The following FAM107B variants were observed in gnomAD, a reference collection of about 807,000 sequenced individuals.
The protein encoded by FAM107B is family with sequence similarity 107 member B, also known as protein FAM107B.
In FAM107B, 21 loss-of-function variants were observed where a neutral mutation model predicts 31.5. That is an observed-to-expected ratio of 0.67 (90% confidence interval 0.47 to 0.96). The LOEUF is 0.96. Among genes scored for constraint, FAM107B ranks in the 40% least tolerant of loss-of-function variants. The pLI, the probability that FAM107B is intolerant of heterozygous loss-of-function variation, is 0.00. For missense variants in FAM107B, 452 were observed against 377.1 expected (o/e 1.20, Z -1.64); for synonymous variants, 157 against 141.5 (o/e 1.11, Z -0.78).
At chr10:14,734,490 T>TTTTTGTTTTTTTTTG (rs1856251081) in intron 1 of FAM107B, among the ~76,000 whole-genome samples, 3 of 122,642 alleles carry the variant, frequency 2.4e-5, no homozygotes, top group Non-Finnish European at 4.7e-5. Context: ...TTTGTGAGGT[T>TTTTTGTTTTTTTTTG]TTTTTTTTTT....
Position 14,591,184 on chromosome 10 carries a change from C to T in FAM107B, c.470-60669G>A, listed in dbSNP as rs116198161. 9.0e-3 allele frequency among the ~76,000 whole-genome samples: 1,367 copies of T among 152,272 alleles called. 25 individuals carry two copies. The highest frequency in any genetic ancestry group is 0.032 in the African/African-American group (1,309 of 41,528). ...AAATGACAATTGAAAAAGATACTCT[C>T]TATCATGGTCTGCACCATCACGGGG... On this transcript the variant is annotated intron_variant, in intron 2 of 4. Transcript: ENST00000181796.
At chr10:14,545,043 G>A (rs1848571160) in intron 2 of FAM107B, among the ~76,000 whole-genome samples, 1 of 152,148 alleles carries the variant, frequency 6.6e-6, no homozygotes, top group South Asian at 2.1e-4. Context: ...TGGGGGGTGG[G>A]CCCGGCAACC....
intron 2 of FAM107B, among the ~76,000 whole-genome samples, chr10:14,532,128 G>C (rs1015818540): frequency 9.2e-5 from 14 of 152,200 alleles, no homozygotes; most frequent in African/African-American, 3.4e-4. Context: ...AGTGGAAAAG[G>C]CTTCTAGTTC....
chr10:14,641,334 G>A (rs1388593664), intron 2 of FAM107B, among the ~76,000 whole-genome samples: 1 of 152,164 alleles, frequency 6.6e-6, no homozygotes, highest in Non-Finnish European at 1.5e-5. Context: ...GCCAACATTG[G>A]TTTGCTGCAT....
At chr10:14,663,813 G>A (rs986111820) in intron 2 of FAM107B, among the ~76,000 whole-genome samples, 2 of 140,812 alleles carry the variant, frequency 1.4e-5, no homozygotes, top group Non-Finnish European at 3.0e-5. Flanking sequence ...TCACGTGGGT[G>A]GCTCCTACGA....
At position 14,646,934 on chromosome 10, in the gene FAM107B, T is replaced by C. The variant is rs565470244; in HGVS notation, c.469+20700A>G. ...TCAGTCTCCCAAGTAGCTGGGACTA[T>C]AGGCACCCACCACCAGGCCTGGCTA... On this transcript the variant is annotated intron_variant, in intron 2 of 4. Transcript: ENST00000181796. Among the ~76,000 whole-genome samples the C allele has an allele frequency of 7.8e-4, 118 of 151,812 alleles. 1 individual carries two copies. Among genetic ancestry groups the C allele is most frequent in the African/African-American group, 1.6e-3 (66 of 41,436 alleles).
intron 1 of FAM107B, among the ~76,000 whole-genome samples, chr10:14,765,699 C>T (rs1833147223): frequency 6.6e-6 from 1 of 152,116 alleles, no homozygotes; most frequent in Non-Finnish European, 1.5e-5. Flanking sequence ...CTATTATTTA[C>T]CATATATTTT....
rs529416930 is a variant in FAM107B at position 14,645,194 on chromosome 10, A to G, written c.469+22440T>C. Among the ~76,000 whole-genome samples the G allele has an allele frequency of 4.6e-5, 7 of 152,328 alleles. 1 individual carries two copies. In the South Asian group the frequency reaches 1.4e-3, roughly 32 times the overall value. ...TGATTCAGGACATGCTGCTGGAGAA[A>G]TGTAGTTCTTTTCATGGGCAGGACC... On this transcript the variant is annotated intron_variant, in intron 2 of 4. Coordinates refer to ENST00000181796, the MANE Select transcript of FAM107B (RefSeq NM_031453.4).
intron 1 of FAM107B, among the ~76,000 whole-genome samples, chr10:14,761,707 C>T (rs1343149160): frequency 2.0e-5 from 3 of 152,122 alleles, no homozygotes; most frequent in Admixed American, 2.0e-4. Flanking sequence ...TCAAGCGATT[C>T]TCCCACCTTC....
chr10:14,582,869 T>A (rs1851689532), intron 2 of FAM107B, among the ~76,000 whole-genome samples: 1 of 151,966 alleles, frequency 6.6e-6, no homozygotes. Context: ...GTGAACCACC[T>A]GAGGTCAGGA....
chr10:14,535,640 T>C (rs1564536373), intron 2 of FAM107B, among the ~76,000 whole-genome samples: 1 of 152,204 alleles, frequency 6.6e-6, no homozygotes, highest in Non-Finnish European at 1.5e-5. Context: ...AAGTTCTGAA[T>C]GGCTCCAGTC....
chr10:14,692,133 C>T (rs759550001), intron 1 of FAM107B, among the ~76,000 whole-genome samples: 2 of 152,076 alleles, frequency 1.3e-5, no homozygotes, highest in African/African-American at 2.4e-5. Flanking sequence ...AAGAACCAGG[C>T]TGGGAAGGCA....
chr10:14,625,953 T>C (rs1350757212), intron 2 of FAM107B, among the ~76,000 whole-genome samples: 3 of 151,162 alleles, frequency 2.0e-5, no homozygotes, highest in Non-Finnish European at 4.4e-5. Flanking sequence ...ATCTGTTGCC[T>C]ACATCGTTAG....
chr10:14,620,268 T>C (rs1295095645), intron 2 of FAM107B, among the ~76,000 whole-genome samples: 2 of 152,128 alleles, frequency 1.3e-5, no homozygotes, highest in Non-Finnish European at 2.9e-5. Flanking sequence ...CCGCCCACCT[T>C]GGCCTCCCAA....
chr10:14,620,059 C>T (rs1431680105), intron 2 of FAM107B, among the ~76,000 whole-genome samples: 3 of 144,410 alleles, frequency 2.1e-5, no homozygotes, highest in East Asian at 2.0e-4. Flanking sequence ...CTCGCTCTGT[C>T]GCCAGGCTGG....
chr10:14,761,285 T>C (rs914980521), intron 1 of FAM107B, among the ~76,000 whole-genome samples: 10 of 152,312 alleles, frequency 6.6e-5, no homozygotes, highest in Non-Finnish European at 1.5e-4. Flanking sequence ...TTTGAGTCGC[T>C]TGTTGTTAGG....
intron 4 of FAM107B, 126 bp downstream of exon 4, chr10:14,521,743 C>T: frequency 7.3e-7 from 1 of 1,362,778 alleles, no homozygotes; most frequent in Non-Finnish European, 1.0e-6. Flanking sequence ...TGACATTTGT[C>T]TCCAATATTT....
intron 2 of FAM107B, among the ~76,000 whole-genome samples, chr10:14,624,136 C>T (rs1853091980): frequency 6.6e-6 from 1 of 152,078 alleles, no homozygotes; most frequent in African/African-American, 2.4e-5. Flanking sequence ...GCCCAATTCA[C>T]AAAACCCACA....
At chr10:14,770,521 T>G (rs945436457) in intron 1 of FAM107B, among the ~76,000 whole-genome samples, 2 of 151,742 alleles carry the variant, frequency 1.3e-5, no homozygotes, top group African/African-American at 2.4e-5. Context: ...AGACTCTGCC[T>G]CAAAAAAATA....
Sources: gnomAD v4.1 joint callset for allele counts (sites outside exome capture counted in the v4.1 genomes callset) on GRCh38, gnomAD v4.1.1 for gene constraint, MANE v1.5 for transcripts, NCBI Gene and HGNC (gene_info 2026-07-23, HGNC 2026-07-21) for gene names.